Variants in CELF3 observed in about 807,000 individuals in gnomAD.
The protein encoded by CELF3 is CAG repeat domain.
Under a neutral mutation model 59.6 loss-of-function variants are expected in CELF3, and 26 were observed. The ratio of observed to expected loss-of-function variants is 0.44; its 90% CI spans 0.32 to 0.61. The LOEUF (loss-of-function observed/expected upper bound fraction) is 0.61, where lower values mean the gene tolerates loss of function less well. Ranked by LOEUF, CELF3 falls within the 20% of genes least tolerant of loss-of-function variation. The pLI is 0.06. For synonymous variants in CELF3, 245 were observed against 250.7 expected (o/e 0.98, Z 0.22); for missense variants, 387 against 627.2 (o/e 0.62, Z 4.09).
intron 2 of CELF3, 100 bp downstream of exon 2, chr1:151,714,494 G>T: frequency 1.2e-6 from 1 of 834,218 alleles, no homozygotes; most frequent in Non-Finnish European, 2.0e-6. Context: ...CTGGTGATGA[G>T]AGGAGGTGGA....
chr1:151,716,684 C>T lies in CELF3; in HGVS notation c.-664G>A, dbSNP rs2101495299. On this transcript the variant is annotated 5_prime_UTR_variant, in exon 1 of 13. Transcript: ENST00000290583. ...CCTCCCCTCAGCCCCCCTCCCACCC[C>T]CACCCCAGTCCCCGGGCCTGGGCTG... The T allele has an allele frequency of 2.6e-6, 1 of 381,702 alleles. No homozygotes were observed. The highest frequency in any genetic ancestry group is 5.5e-6 in the Non-Finnish European group (1 of 180,694). The allele number at this position is 381,702 out of a possible 1,614,324, so 23.6% of individuals were successfully genotyped here.
intron 2 of CELF3, chr1:151,710,872 A>C (rs1672968033): frequency 2.2e-6 from 1 of 456,124 alleles, no homozygotes; most frequent in African/African-American, 2.0e-5. Context: ...GGTGGGGAGT[A>C]TTATAGGAAC....
chr1:151,707,978 GTC>G (rs1558103117), intron 5 of CELF3, 43 bp from the exon 6 acceptor site: 1 of 1,572,436 alleles, frequency 6.4e-7, no homozygotes, highest in Non-Finnish European at 8.7e-7. Context: ...CAGGGTCAGG[GTC>G]TCTCCTCCCC....
Position 151,716,194 on chromosome 1 carries a change from C to CCAGGGA in CELF3, c.-180_-175dup. The CCAGGGA allele has an allele frequency of 1.6e-6, 1 of 630,056 alleles. No individual in the cohort carries two copies. Among genetic ancestry groups the CCAGGGA allele is most frequent in the Non-Finnish European group, 2.7e-6 (1 of 373,746 alleles). The allele number at this position is 630,056 out of a possible 1,614,324, so 39.0% of individuals were successfully genotyped here. A position where few individuals can be genotyped will look rare whatever the true frequency, so the allele number is the denominator to read the frequency against. On this transcript the variant is annotated 5_prime_UTR_variant, in exon 1 of 13. Transcript: ENST00000290583. ...GGGCGGCTCTTCACACAAAGGAGGC[C>CCAGGGA]CAGGGAGTTGAGTGCTAGGGGTCAG... is the stretch of plus-strand genomic sequence containing the variant.
At position 151,709,501 on chromosome 1, in the gene CELF3, G is replaced by T; in HGVS notation, c.278-153C>A. The T allele has an allele frequency of 8.8e-7, 1 of 1,134,842 alleles. No individual in the cohort carries two copies. The highest frequency in any genetic ancestry group is 1.3e-6 in the Non-Finnish European group (1 of 779,502). 70.3% of individuals were successfully genotyped at this position (1,134,842 alleles called of 1,614,324 possible). A position where few individuals can be genotyped will look rare whatever the true frequency, so the allele number is the denominator to read the frequency against. On this transcript the variant is annotated intron_variant, in intron 3 of 12. Coordinates refer to ENST00000290583, the MANE Select transcript of CELF3 (RefSeq NM_007185.7). The surrounding 1 kb of genome is among the most constrained non-coding windows in gnomAD (Gnocchi z 4.9). The stretch of plus-strand genomic sequence containing the variant: ...GCTGATGGTTGGGGAATGGGGTATA[G>T]TTGCAGAGGGTGCTCATCCCAGCTC...
chr1:151,715,906 T>C lies in CELF3; in HGVS notation c.115A>G (p.Ile39Val). 6.2e-7 allele frequency: 1 copy of C among 1,614,134 alleles called. No homozygotes were observed. Among genetic ancestry groups the C allele is most frequent in the East Asian group, 2.2e-5 (1 of 44,874 alleles). ...QFGRIFELTVIKDKYTGLHKG... is the reference protein window; with the variant it reads ...QFGRIFELTVVKDKYTGLHKG... ...TGCAGCCCGGTGTACTTGTCCTTGA[T>C]GACAGTCAGCTCAAAGATCCGACCA... The change falls in exon 1 of 13, where the codon ATC becomes GTC. Residue 39 changes from isoleucine (I) to valine (V), a missense_variant. Transcript: ENST00000290583.
Position 151,705,631 on chromosome 1 carries a change from TGAAG to T in CELF3, c.1270+187_1270+190del, listed in dbSNP as rs1443684796. Among the ~76,000 whole-genome samples, 2 of 152,168 alleles carry T rather than the reference TGAAG, an allele frequency of 1.3e-5. No homozygotes were observed. Among genetic ancestry groups the T allele is most frequent in the Non-Finnish European group, 2.9e-5 (2 of 68,034 alleles). On this transcript the variant is annotated intron_variant, in intron 11 of 12. Coordinates refer to ENST00000290583, the MANE Select transcript of CELF3 (RefSeq NM_007185.7). The surrounding 1 kb of genome is among the most constrained non-coding windows in gnomAD (Gnocchi z 5.1). ...TTTGGCCAGTTTTTAAGAGAAACGC[TGAAG>T]GAAGAAGAGATGGGCCGAGGCAGCA...
Position 151,709,422 on chromosome 1 carries a change from C to G in CELF3, c.278-74G>C. On this transcript the variant is annotated intron_variant, in intron 3 of 12. Coordinates refer to ENST00000290583, the MANE Select transcript of CELF3 (RefSeq NM_007185.7). This position sits in a 1 kb window ranked among gnomAD's most constrained non-coding sequence, Gnocchi z 4.9. ...CCTTCCCAGCCCTTCTTCCGCCCTT[C>G]CCTGGAGCTCCTAACACTACTTCTG... The G allele has an allele frequency of 6.3e-7, 1 of 1,596,640 alleles. No homozygotes were observed. The highest frequency in any genetic ancestry group is 8.6e-7 in the Non-Finnish European group (1 of 1,168,340).
Position 151,705,934 on chromosome 1 carries a change from G to A in CELF3, c.1158C>T (p.His386=). 1 of 1,614,026 alleles carries A rather than the reference G, an allele frequency of 6.2e-7. No homozygotes were observed. Among genetic ancestry groups the A allele is most frequent in the Non-Finnish European group, 8.5e-7 (1 of 1,179,902 alleles). The part of the protein sequence containing the change: ...GPDGCNIFIY[H]LPQEFTDSEI... ...CTGAGTCAGTGAACTCCTGGGGCAG[G>A]TGGTAGATGAAGATGTTGCAGCCAT... is the stretch of plus-strand genomic sequence containing the variant. Residue 386 remains histidine, a synonymous_variant, in exon 11 of 13, where the codon CAC becomes CAT. Coordinates refer to ENST00000290583, the MANE Select transcript of CELF3 (RefSeq NM_007185.7). The surrounding 1 kb of genome is among the most constrained non-coding windows in gnomAD (Gnocchi z 5.1).
rs1672835369 is a variant in CELF3, at chr1:151,709,430, C to T, written c.278-82G>A. On this transcript the variant is annotated intron_variant, in intron 3 of 12. Coordinates refer to ENST00000290583, the MANE Select transcript of CELF3 (RefSeq NM_007185.7). The surrounding 1 kb of genome is among the most constrained non-coding windows in gnomAD (Gnocchi z 4.9). ...GCCCTTCTTCCGCCCTTCCCTGGAGCTCCTAACACTACTTCTGCTACCCTT... is the reference window on the plus strand; with the variant it reads ...GCCCTTCTTCCGCCCTTCCCTGGAGTTCCTAACACTACTTCTGCTACCCTT... The T allele has an allele frequency of 1.9e-6, 3 of 1,577,178 alleles. No individual in the cohort carries two copies. The highest frequency in any genetic ancestry group is 1.3e-5 in the African/African-American group (1 of 74,164).
chr1:151,707,396 C>G, intron 7 of CELF3, 102 bp from the exon 8 acceptor site: 9 of 1,541,646 alleles, frequency 5.8e-6, no homozygotes, highest in Non-Finnish European at 7.9e-6. Flanking sequence ...AAGCAGGCCT[C>G]TCTGACCCCT....
At chr1:151,710,407 G>A (rs1218644922) in intron 2 of CELF3, 2 of 295,022 alleles carry the variant, frequency 6.8e-6, no homozygotes, top group Non-Finnish European at 1.4e-5. Flanking sequence ...ATCCGTCCCC[G>A]TCGCCCTGGC....
intron 7 of CELF3, 40 bp downstream of exon 7, chr1:151,707,467 C>T (rs761328205): frequency 6.2e-7 from 1 of 1,606,576 alleles, no homozygotes; most frequent in Non-Finnish European, 8.5e-7. Context: ...CCTACCCCTA[C>T]CATGCTTAGC....
intron 9 of CELF3, 112 bp from the exon 10 acceptor site, chr1:151,706,473 G>T: frequency 7.9e-7 from 1 of 1,268,808 alleles, no homozygotes; most frequent in Non-Finnish European, 1.1e-6. Flanking sequence ...GCAGGGCTGA[G>T]AGGTGGTCAG....
Position 151,701,691 on chromosome 1 carries a change from T to A in CELF3, c.*1768A>T, listed in dbSNP as rs575919644. The stretch of plus-strand genomic sequence containing the variant: ...CACTTCGGGAGGCCAAGGCAGGAGG[T>A]TTGCTTGAGCCCAGGGGTTCGAGAC... On this transcript the variant is annotated 3_prime_UTR_variant, in exon 13 of 13. Transcript: ENST00000290583. 6.6e-6 allele frequency among the ~76,000 whole-genome samples: 1 copy of A among 151,804 alleles called. No individual in the cohort carries two copies. The highest frequency in any genetic ancestry group is 6.6e-5 in the Admixed American group (1 of 15,234).
chr1:151,706,319 G>A lies in CELF3; in HGVS notation c.1031C>T (p.Pro344Leu), dbSNP rs750118563. 9.7e-6 allele frequency: 15 copies of A among 1,554,286 alleles called. No individual in the cohort carries two copies. The highest frequency in any genetic ancestry group is 1.4e-5 in the African/African-American group (1 of 73,260). ...CTGGGCGACCAGGGCTGGAGGCTGC[G>A]GGAACGCAGGTGCAACCAGGCTGTA... Reference protein sequence around the residue: ...AAYSLVAPAFPQPPALVAQQP... With the variant: ...AAYSLVAPAFLQPPALVAQQP... Residue 344 changes from proline to leucine, a missense_variant, in exon 10 of 13, where the codon CCG becomes CTG. By Grantham distance (98) the Pro-to-Leu change is moderately conservative. Coordinates refer to ENST00000290583, the MANE Select transcript of CELF3 (RefSeq NM_007185.7).
Position 151,707,163 on chromosome 1 carries a change from C to T in CELF3, c.904G>A (p.Gly302Arg), listed in dbSNP as rs779202939. ...GTCCCACCTGGGTAGGGGTGAACCC[C>T]GTTGGGATACAGAGCATCAGGGGCA... is the stretch of plus-strand genomic sequence containing the variant. ...QPAPDALYPN[G>R]VHPYPAQSPA... is the part of the protein sequence containing the mutation. The change falls in exon 8 of 13, where the codon GGG becomes AGG. Residue 302 changes from glycine to arginine, a missense_variant. By Grantham distance (125) the Gly-to-Arg change is moderately radical. Transcript: ENST00000290583. 24 of 1,517,118 alleles carry T rather than the reference C, an allele frequency of 1.6e-5. No homozygotes were observed. The highest frequency in any genetic ancestry group is 7.9e-5 in the South Asian group (6 of 76,356). 94.0% of individuals were successfully genotyped at this position (1,517,118 alleles called of 1,614,324 possible).
At chr1:151,706,621 C>CCTGCCACCT in intron 9 of CELF3, 48 bp downstream of exon 9, 1 of 1,536,268 alleles carries the variant, frequency 6.5e-7, no homozygotes, top group Non-Finnish European at 8.8e-7. Flanking sequence ...CTCTTTTCCT[C>CCTGCCACCT]CTGCCACCTC....
rs763055886 is a variant in CELF3, at chr1:151,705,772, C to G, written c.1270+50G>C. On this transcript the variant is annotated intron_variant, in intron 11 of 12. Transcript: ENST00000290583. The surrounding 1 kb of genome is among the most constrained non-coding windows in gnomAD (Gnocchi z 5.1). ...ATAAATGCCTTCAAATATATTAGAC[C>G]TTGTCCTGATTTGGAGTATGGCAAA... 4 of 1,594,038 alleles carry G rather than the reference C, an allele frequency of 2.5e-6. No individual in the cohort carries two copies. The East Asian group carries it at 6.7e-5, about 27-fold the overall frequency.
Sources: gnomAD v4.1 joint callset for allele counts (sites outside exome capture counted in the v4.1 genomes callset) on GRCh38, gnomAD v4.1.1 for gene constraint, Gnocchi (gnomAD v3.1) non-coding constraint, MANE v1.5 for transcripts, NCBI Gene and HGNC (gene_info 2026-07-23, HGNC 2026-07-21) for gene names.